Variants in SETBP1 observed in about 807,000 individuals in gnomAD.
SETBP1 encodes the protein SET-binding protein.
In SETBP1, 9 loss-of-function variants were observed where a neutral mutation model predicts 101.0. That is an observed-to-expected ratio of 0.09 (90% CI 0.05 to 0.16). The LOEUF (loss-of-function observed/expected upper bound fraction) is 0.16. Among genes scored for constraint, SETBP1 ranks in the 10% least tolerant of loss-of-function variants. SETBP1 has a pLI of 1.00. For synonymous variants in SETBP1, 818 were observed against 788.5 expected (o/e 1.04, Z -0.63); for missense variants, 1,858 against 2,033.8 (o/e 0.91, Z 1.66).
At chr18:44,692,278 T>A (rs1261848342) in intron 1 of SETBP1, among the ~76,000 whole-genome samples, 1 of 152,260 alleles carries the variant, frequency 6.6e-6, no homozygotes, top group Non-Finnish European at 1.5e-5. Flanking sequence ...AATTATTATC[T>A]CATTTAATCT....
chr18:44,839,924 AT>A (rs780074452), intron 2 of SETBP1, among the ~76,000 whole-genome samples: 60 of 152,358 alleles, frequency 3.9e-4, no homozygotes, highest in Admixed American at 6.5e-4. Context: ...TCATATTGAT[AT>A]GTAATTTTTG....
intron 2 of SETBP1, among the ~76,000 whole-genome samples, chr18:44,758,384 ATT>A (rs35307959): frequency 4.1e-5 from 6 of 145,332 alleles, no homozygotes; most frequent in Non-Finnish European, 1.5e-5. Context: ...AGCTGAAAGA[ATT>A]TTTTTTTTTT....
intron 2 of SETBP1, among the ~76,000 whole-genome samples, chr18:44,821,993 A>T (rs879262149): frequency 6.6e-6 from 1 of 152,202 alleles, no homozygotes; most frequent in Non-Finnish European, 1.5e-5. Context: ...TGAAGCCATT[A>T]TTTAAAGGAT....
At chr18:44,872,789 T>C (rs2069308594) in intron 3 of SETBP1, among the ~76,000 whole-genome samples, 1 of 152,254 alleles carries the variant, frequency 6.6e-6, no homozygotes, top group Non-Finnish European at 1.5e-5. Context: ...GAAATAGCCA[T>C]AGCATGGGCA....
intron 4 of SETBP1, among the ~76,000 whole-genome samples, chr18:45,013,720 A>AG (rs1432348390): frequency 6.6e-6 from 1 of 152,134 alleles, no homozygotes; most frequent in African/African-American, 2.4e-5. Context: ...TTACAGGCAT[A>AG]AGCCACCACA....
At chr18:44,727,792 G>A (rs752697831) in intron 2 of SETBP1, among the ~76,000 whole-genome samples, 1 of 152,188 alleles carries the variant, frequency 6.6e-6, no homozygotes, top group South Asian at 2.1e-4. Flanking sequence ...GGGCTGAGAT[G>A]CTGCTTCCCT....
At chr18:44,880,211 G>A (rs1285987551) in intron 3 of SETBP1, among the ~76,000 whole-genome samples, 2 of 152,188 alleles carry the variant, frequency 1.3e-5, no homozygotes, top group Non-Finnish European at 2.9e-5. Flanking sequence ...TGAAAAATAA[G>A]AGATGATTCA....
At chr18:45,030,327 A>G (rs540224309) in intron 4 of SETBP1, among the ~76,000 whole-genome samples, 17 of 125,390 alleles carry the variant, frequency 1.4e-4, no homozygotes, top group Admixed American at 2.5e-4. Flanking sequence ...TGATTTGCGT[A>G]TATTGAACCA....
intron 4 of SETBP1, among the ~76,000 whole-genome samples, chr18:44,984,771 G>A (rs1019537564): frequency 6.6e-6 from 1 of 152,172 alleles, no homozygotes; most frequent in East Asian, 1.9e-4. Context: ...CATTGCTAAT[G>A]TACCTTGCAG....
chr18:44,910,944 G>C (rs9960594), intron 3 of SETBP1, among the ~76,000 whole-genome samples: 8,048 of 152,228 alleles, frequency 0.053, 717 homozygotes, highest in African/African-American at 0.18. Context: ...GTTATGGAAG[G>C]TGAAGGCCAG....
chr18:44,758,079 G>A (rs2070543827), intron 2 of SETBP1, among the ~76,000 whole-genome samples: 1 of 152,102 alleles, frequency 6.6e-6, no homozygotes, highest in Non-Finnish European at 1.5e-5. Context: ...GGAAATCCCA[G>A]CTTCCATCCG....
chr18:45,008,597 T>C (rs2072776150), intron 4 of SETBP1, among the ~76,000 whole-genome samples: 1 of 152,346 alleles, frequency 6.6e-6, no homozygotes, highest in South Asian at 2.1e-4. Context: ...AACTTTTTAC[T>C]AGCTCTGACC....
At chr18:44,716,167 T>G (rs939612788) in intron 2 of SETBP1, among the ~76,000 whole-genome samples, 25 of 152,160 alleles carry the variant, frequency 1.6e-4, no homozygotes, top group Admixed American at 1.3e-3. Flanking sequence ...GGTATTGTGT[T>G]TCATGCTCCC....
At chr18:44,789,550 C>CTGTG (rs1267896626) in intron 2 of SETBP1, among the ~76,000 whole-genome samples, 2 of 152,180 alleles carry the variant, frequency 1.3e-5, no homozygotes, top group African/African-American at 4.8e-5. Flanking sequence ...TATTTCCAGG[C>CTGTG]TGTGTCCATT....
rs955591165 is a variant in SETBP1 at position 44,764,422 on chromosome 18, GTCC to G, written c.486+62595_486+62597del. Among the ~76,000 whole-genome samples, 53 of 152,170 alleles carry G rather than the reference GTCC, an allele frequency of 3.5e-4. No homozygotes were observed. In the South Asian group the frequency reaches 3.5e-3, roughly 10 times the overall value. Reference sequence around the variant, plus strand: ...ACCTCTGTTGTTGTTGTTGTTGGCTGTCCTCCTTCTTCTTCTTCTTCCTTCTTT... The same window carrying G: ...ACCTCTGTTGTTGTTGTTGTTGGCTGTCCTTCTTCTTCTTCTTCCTTCTTT... On this transcript the variant is annotated intron_variant, in intron 2 of 5. Coordinates refer to ENST00000649279, the MANE Select transcript of SETBP1 (RefSeq NM_015559.3).
upstream of SETBP1, chr18:44,680,819 G>A (rs1193881757): frequency 6.6e-6 from 1 of 152,174 alleles, no homozygotes; most frequent in Non-Finnish European, 1.5e-5. Context: ...TGGCGTTGGT[G>A]GAGTGGACTC....
At chr18:44,788,632 C>T (rs2071298229) in intron 2 of SETBP1, among the ~76,000 whole-genome samples, 1 of 152,066 alleles carries the variant, frequency 6.6e-6, no homozygotes, top group Non-Finnish European at 1.5e-5. Flanking sequence ...CTGTTACAAA[C>T]ACTCCTAAGA....
At chr18:45,013,391 A>T (rs995456742) in intron 4 of SETBP1, among the ~76,000 whole-genome samples, 1 of 151,750 alleles carries the variant, frequency 6.6e-6, no homozygotes, top group African/African-American at 2.4e-5. Context: ...ACCATTTAGG[A>T]TTATATCTGA....
At chr18:45,040,184 T>C (rs966858561) in intron 5 of SETBP1, among the ~76,000 whole-genome samples, 1 of 152,172 alleles carries the variant, frequency 6.6e-6, no homozygotes, top group Non-Finnish European at 1.5e-5. Flanking sequence ...AATATGATCA[T>C]GAGCCTTCAC....
Sources: gnomAD v4.1 joint callset for allele counts (sites outside exome capture counted in the v4.1 genomes callset) on GRCh38, gnomAD v4.1.1 for gene constraint, MANE v1.5 for transcripts, NCBI Gene and HGNC (gene_info 2026-07-23, HGNC 2026-07-21) for gene names.